PPP1R9A: variants seen among roughly 807,000 people sequenced by gnomAD.
PPP1R9A encodes the protein protein phosphatase 1 regulatory subunit 9A, also known as neurabin-1.
Under a neutral mutation model 141.9 loss-of-function variants are expected in PPP1R9A, and 59 were observed. That is an observed-to-expected ratio of 0.42 (90% CI 0.34 to 0.52). The LOEUF is 0.52. Ranked by LOEUF, PPP1R9A falls within the 20% of genes least tolerant of loss-of-function variation. The pLI, the probability that PPP1R9A is intolerant of heterozygous loss-of-function variation, is 0.10. For synonymous variants in PPP1R9A, 500 were observed against 569.7 expected (o/e 0.88, Z 1.74); for missense variants, 1,444 against 1,611.9 (o/e 0.90, Z 1.78).
At chr7:95,063,272 G>T (rs575510342) in intron 2 of PPP1R9A, among the ~76,000 whole-genome samples, 121 of 152,170 alleles carry the variant, frequency 8.0e-4, no homozygotes, top group Middle Eastern at 3.4e-3. Flanking sequence ...TCAATTAAAG[G>T]TACATTTGGT....
chr7:95,067,866 CA>C (rs1009741177), intron 2 of PPP1R9A, among the ~76,000 whole-genome samples: 18 of 152,222 alleles, frequency 1.2e-4, no homozygotes, highest in African/African-American at 4.1e-4. Context: ...AAAGCAATTC[CA>C]CAAAGGACCA....
intron 2 of PPP1R9A, among the ~76,000 whole-genome samples, chr7:95,104,941 C>T (rs1453782189): frequency 2.0e-5 from 3 of 150,996 alleles, no homozygotes; most frequent in Non-Finnish European, 2.9e-5. Context: ...TTTGTGGAAG[C>T]ATGTGAATGT....
chr7:94,993,719 A>C (rs1207883417), intron 2 of PPP1R9A, among the ~76,000 whole-genome samples: 3 of 152,124 alleles, frequency 2.0e-5, no homozygotes, highest in African/African-American at 7.2e-5. Context: ...GTGGGTTTTA[A>C]AAATACTTTT....
intron 2 of PPP1R9A, among the ~76,000 whole-genome samples, chr7:95,077,639 CAG>C (rs1349396636): frequency 6.6e-6 from 1 of 152,022 alleles, no homozygotes; most frequent in African/African-American, 2.4e-5. Flanking sequence ...AACAAACAAA[CAG>C]AAGTTTATTA....
chr7:94,968,196 G>A (rs1050496630), intron 2 of PPP1R9A, among the ~76,000 whole-genome samples: 3 of 151,268 alleles, frequency 2.0e-5, no homozygotes, highest in Non-Finnish European at 4.4e-5. Context: ...TTTTTGAGAC[G>A]GAGTCTCGCT....
At chr7:95,189,049 G>A (rs1463369848) in intron 5 of PPP1R9A, among the ~76,000 whole-genome samples, 2 of 152,042 alleles carry the variant, frequency 1.3e-5, no homozygotes, top group African/African-American at 4.8e-5. Flanking sequence ...TTGAAGCTTA[G>A]TTTTGCTGGA....
intron 4 of PPP1R9A, among the ~76,000 whole-genome samples, chr7:95,121,487 A>G (rs1404792892): frequency 6.6e-6 from 1 of 150,742 alleles, no homozygotes; most frequent in Non-Finnish European, 1.5e-5. Context: ...CTATCTATCT[A>G]TCTATCTATC....
rs748557984 is a variant in PPP1R9A, at chr7:94,934,847, T to TAC, written c.1395+23357_1395+23358dup. ...ACATACATGTATATGTACGTATACA[T>TAC]ACACACACACACACACACATATATT... On this transcript the variant is annotated intron_variant, in intron 2 of 19. Coordinates refer to ENST00000433360, the MANE Select transcript of PPP1R9A (RefSeq NM_001166160.2). Among the ~76,000 whole-genome samples, 636 of 144,386 alleles carry TAC rather than the reference T, an allele frequency of 4.4e-3. 7 individuals carry two copies. In the East Asian group the frequency reaches 0.048, roughly 11 times the overall value. 94.7% of individuals were successfully genotyped at this position (144,386 alleles called of 152,430 possible).
chr7:94,972,169 A>G (rs1798924147), intron 2 of PPP1R9A, among the ~76,000 whole-genome samples: 1 of 152,218 alleles, frequency 6.6e-6, no homozygotes, highest in Admixed American at 6.6e-5. Flanking sequence ...GTTTTTTCAT[A>G]CAACCTTGGT....
At chr7:95,059,513 A>G (rs558823615) in intron 2 of PPP1R9A, among the ~76,000 whole-genome samples, 20 of 152,228 alleles carry the variant, frequency 1.3e-4, no homozygotes, top group Non-Finnish European at 2.8e-4. Flanking sequence ...GCCTTGAGTC[A>G]GTGCATCTGA....
intron 2 of PPP1R9A, among the ~76,000 whole-genome samples, chr7:95,091,636 G>A (rs189794658): frequency 6.6e-6 from 1 of 151,862 alleles, no homozygotes; most frequent in Admixed American, 6.6e-5. Flanking sequence ...GAGCCACCAT[G>A]ACCAGCCTTA....
Position 94,970,180 on chromosome 7 carries a change from G to C in PPP1R9A, c.1395+58672G>C, listed in dbSNP as rs544909349. ...CGGTTCTGTCTCACAGGCATTCCAG[G>C]TGCCACTGGGGTATGAAAAAACACT... On this transcript the variant is annotated intron_variant, in intron 2 of 19. Transcript: ENST00000433360. Among the ~76,000 whole-genome samples the C allele has an allele frequency of 2.9e-3, 435 of 152,222 alleles. 1 individual carries two copies. Among genetic ancestry groups the C allele is most frequent in the African/African-American group, 9.8e-3 (409 of 41,538 alleles).
chr7:95,221,855 A>G (rs962918339), intron 7 of PPP1R9A, among the ~76,000 whole-genome samples: 4 of 152,104 alleles, frequency 2.6e-5, no homozygotes, highest in African/African-American at 9.7e-5. Context: ...ACAAGAGTGC[A>G]TAAAATGTCA....
intron 2 of PPP1R9A, among the ~76,000 whole-genome samples, chr7:94,987,432 G>A (rs1800988286): frequency 2.6e-5 from 4 of 152,314 alleles, no homozygotes; most frequent in African/African-American, 9.6e-5. Context: ...GATAGTAGGA[G>A]AGGAGGTATT....
intron 16 of PPP1R9A, among the ~76,000 whole-genome samples, chr7:95,275,925 G>A (rs1357331340): frequency 2.0e-5 from 3 of 152,122 alleles, no homozygotes; most frequent in Non-Finnish European, 4.4e-5. Flanking sequence ...CTCAGAATGA[G>A]GACAACAATC....
intron 4 of PPP1R9A, among the ~76,000 whole-genome samples, chr7:95,128,364 G>GTTTTTCAC (rs1369345257): frequency 6.6e-6 from 1 of 152,082 alleles, no homozygotes; most frequent in African/African-American, 2.4e-5. Context: ...TGGGTTATTT[G>GTTTTTCAC]TTTTTCACTT....
intron 2 of PPP1R9A, among the ~76,000 whole-genome samples, chr7:94,950,200 C>G (rs1796322008): frequency 6.6e-6 from 1 of 151,996 alleles, no homozygotes; most frequent in African/African-American, 2.4e-5. Flanking sequence ...TTCTGTCATT[C>G]TTGGAATATG....
intron 2 of PPP1R9A, among the ~76,000 whole-genome samples, chr7:94,949,907 C>CT (rs201956798): frequency 0.015 from 1,759 of 118,058 alleles, 39 homozygotes; most frequent in African/African-American, 0.046. Context: ...TAAAACAGTT[C>CT]TTTTTTTTTT....
At chr7:94,970,858 G>T (rs1420560581) in intron 2 of PPP1R9A, among the ~76,000 whole-genome samples, 10 of 151,902 alleles carry the variant, frequency 6.6e-5, no homozygotes, top group Non-Finnish European at 1.0e-4. Context: ...CTTGAGTAGT[G>T]GAAATGGGTT....
Sources: allele counts gnomAD v4.1 joint callset (sites outside exome capture counted in the v4.1 genomes callset), GRCh38; gene constraint gnomAD v4.1.1; transcripts MANE v1.5; gene names NCBI Gene and HGNC (gene_info 2026-07-23, HGNC 2026-07-21).